Variants in FGL1 observed in about 807,000 individuals in gnomAD.
The protein encoded by FGL1 is fibrinogen like 1.
In FGL1, 59 loss-of-function variants were observed where a neutral mutation model predicts 43.7. That is an observed-to-expected ratio of 1.35 (90% CI 1.10 to 1.68). The LOEUF is 1.68. Among genes scored for constraint, FGL1 ranks in the 40% most tolerant of loss-of-function variants. FGL1 has a pLI of 0.00. For synonymous variants in FGL1, 192 were observed against 126.5 expected, an observed-to-expected ratio of 1.52 and a Z score of -3.48; for missense variants, 596 against 373.0, an observed-to-expected ratio of 1.60 and a Z score of -4.92.
intron 7 of FGL1, among the ~76,000 whole-genome samples, chr8:17,867,234 C>G (rs77424039): frequency 3.3e-5 from 5 of 151,890 alleles, no homozygotes. Flanking sequence ...GTCTGATAAC[C>G]GAAACAGCTA....
intron 2 of FGL1, among the ~76,000 whole-genome samples, chr8:17,884,698 A>G (rs1293869776): frequency 2.0e-5 from 3 of 152,178 alleles, no homozygotes; most frequent in Non-Finnish European, 2.9e-5. Context: ...TGCACTATGC[A>G]ATTTTAAAAT....
chr8:17,884,094 TC>T (rs553540343), intron 2 of FGL1, among the ~76,000 whole-genome samples: 9,785 of 137,910 alleles, frequency 0.071, 904 homozygotes, highest in African/African-American at 0.18. Context: ...CCTCCCTCCC[TC>T]CCTTCCTTCT....
At chr8:17,877,638 G>A (rs190268738) in intron 3 of FGL1, among the ~76,000 whole-genome samples, 2 of 151,916 alleles carry the variant, frequency 1.3e-5, no homozygotes, top group African/African-American at 4.8e-5. Flanking sequence ...ATAAAGGAAG[G>A]TGGGTACATA....
rs542239758 is a variant in FGL1, at chr8:17,870,042, A to G, written c.503-1038T>C. 2.6e-3 allele frequency among the ~76,000 whole-genome samples: 402 copies of G among 152,234 alleles called. 1 individual carries two copies. The highest frequency in any genetic ancestry group is 9.4e-3 in the African/African-American group (389 of 41,554). ...GGAGAATGGCGTGAACCCAGAAGGC[A>G]GAGCTTGCAGTGAGCCGAGATTGCT... On this transcript the variant is annotated intron_variant, in intron 5 of 7. Transcript: ENST00000427924.
chr8:17,866,255 G>C (rs1323840570), intron 7 of FGL1, among the ~76,000 whole-genome samples: 6 of 152,168 alleles, frequency 3.9e-5, no homozygotes, highest in African/African-American at 1.4e-4. Context: ...GGATGATTGG[G>C]TCTTCCTTGG....
intron 3 of FGL1, among the ~76,000 whole-genome samples, chr8:17,878,796 T>C (rs1007727792): frequency 5.3e-5 from 8 of 152,092 alleles, no homozygotes; most frequent in African/African-American, 1.7e-4. Flanking sequence ...AAAAGATTTA[T>C]ATTTCTACAG....
rs1205635633 is a variant in FGL1 at position 17,882,046 on chromosome 8, C to G, written c.197G>C (p.Gly66Ala). 2 of 1,614,006 alleles carry G rather than the reference C, an allele frequency of 1.2e-6. No individual in the cohort carries two copies. Among genetic ancestry groups the G allele is most frequent in the Admixed American group, 3.3e-5 (2 of 60,004 alleles). The change falls in exon 3 of 8, where the codon GGA (glycine) becomes GCA (alanine). Residue 66 changes from glycine to alanine, a missense_variant. By Grantham distance (60) the Gly-to-Ala change is moderately conservative. Transcript: ENST00000427924. ...QENEVQFLDK[G>A]DENTVIDLGS... ...AAGATCAATGACAGTATTCTCATCT[C>G]CTTTATCAAGGAACTGGACTTCATT...
At chr8:17,891,619 T>C (rs907774408) in intron 1 of FGL1, 1 of 932,214 alleles carries the variant, frequency 1.1e-6, no homozygotes, top group African/African-American at 1.8e-5. Flanking sequence ...GGGGCACAGC[T>C]GAACCTAGCA....
At chr8:17,886,579 G>A (rs571989971) in intron 1 of FGL1, among the ~76,000 whole-genome samples, 23 of 152,104 alleles carry the variant, frequency 1.5e-4, no homozygotes, top group African/African-American at 4.8e-4. Context: ...TCAACATGGC[G>A]AAACCCTGTC....
At chr8:17,864,977 T>A (rs1020682781) in intron 7 of FGL1, among the ~76,000 whole-genome samples, 4 of 151,950 alleles carry the variant, frequency 2.6e-5, no homozygotes, top group African/African-American at 9.7e-5. Context: ...ATAGAGACAG[T>A]GTCTCACTGT....
intron 1 of FGL1, among the ~76,000 whole-genome samples, chr8:17,886,569 T>A (rs2053631157): frequency 6.6e-6 from 1 of 151,726 alleles, no homozygotes; most frequent in African/African-American, 2.4e-5. Flanking sequence ...ACCAGCCTGG[T>A]CAACATGGCG....
chr8:17,866,573 C>G (rs1259027724), intron 7 of FGL1, among the ~76,000 whole-genome samples: 2 of 152,194 alleles, frequency 1.3e-5, no homozygotes, highest in African/African-American at 4.8e-5. Context: ...TTATCAACCC[C>G]TTTGATTCCA....
intron 7 of FGL1, 31 bp downstream of exon 7, chr8:17,868,517 C>G: frequency 6.4e-7 from 1 of 1,560,418 alleles, no homozygotes; most frequent in Non-Finnish European, 8.7e-7. Flanking sequence ...ATCATCAACT[C>G]CATTACAACT....
At chr8:17,887,340 C>T (rs201528467) in intron 1 of FGL1, among the ~76,000 whole-genome samples, 1 of 152,204 alleles carries the variant, frequency 6.6e-6, no homozygotes. Context: ...CCTTCATGCA[C>T]CTGGGAGAGG....
At position 17,864,526 on chromosome 8, in the gene FGL1, A is replaced by T; in HGVS notation, c.*66T>A. 4.0e-6 allele frequency: 6 copies of T among 1,509,822 alleles called. No homozygotes were observed. Among genetic ancestry groups the T allele is most frequent in the Non-Finnish European group, 5.4e-6 (6 of 1,118,026 alleles). 93.5% of individuals were successfully genotyped at this position (1,509,822 alleles called of 1,614,324 possible). A position where few individuals can be genotyped will look rare whatever the true frequency, so the allele number is the denominator to read the frequency against. On this transcript the variant is annotated 3_prime_UTR_variant, in exon 8 of 8. Coordinates refer to ENST00000427924, the MANE Select transcript of FGL1 (RefSeq NM_004467.4). ...CATGATTGCGCATGGATATGTTCAG[A>T]ATGAGTATTTTTCAAATCACTTTAA...
Position 17,874,467 on chromosome 8 carries a change from T to G in FGL1, c.299A>C (p.Lys100Thr). ...GYKLSGFYKI[K>T]PLQSPAEFSV... ...AAATTCTGCTGGGCTCTGGAGAGGT[T>G]TGATTTTGTAAAATCCACTGAGCTT... The change falls in exon 4 of 8, where the codon AAA becomes ACA. Residue 100 changes from lysine (K) to threonine (T), a missense_variant. Coordinates refer to ENST00000427924, the MANE Select transcript of FGL1 (RefSeq NM_004467.4). 2 of 1,614,116 alleles carry G rather than the reference T, an allele frequency of 1.2e-6. No homozygotes were observed. Among genetic ancestry groups the G allele is most frequent in the Non-Finnish European group, 1.7e-6 (2 of 1,179,980 alleles).
Position 17,864,712 on chromosome 8 carries a change from GC to G in FGL1, c.818del (p.Gly273AlafsTer23). 1 of 1,612,332 alleles carries G rather than the reference GC, an allele frequency of 6.2e-7. No individual in the cohort carries two copies. Among genetic ancestry groups the G allele is most frequent in the Non-Finnish European group, 8.5e-7 (1 of 1,179,552 alleles). ...SANLNGVYYS[G>X]PYTAKTDNGI... ...CATTGTCTGTTTTAGCCGTGTAGGG[GC>G]CGCTGTAGTATACACCATTCAGGTT... On this transcript the variant is annotated frameshift_variant, in exon 8 of 8. Coordinates refer to ENST00000427924, the MANE Select transcript of FGL1 (RefSeq NM_004467.4). LOFTEE classifies it high-confidence loss of function.
At chr8:17,878,320 C>A (rs1450644280) in intron 3 of FGL1, among the ~76,000 whole-genome samples, 1 of 152,146 alleles carries the variant, frequency 6.6e-6, no homozygotes, top group Non-Finnish European at 1.5e-5. Flanking sequence ...TATTCTCATT[C>A]TTCAGATGGG....
chr8:17,878,531 G>T (rs1015056611), intron 3 of FGL1, among the ~76,000 whole-genome samples: 8 of 152,116 alleles, frequency 5.3e-5, no homozygotes, highest in African/African-American at 7.2e-5. Context: ...AACGGCGGTG[G>T]TGACGCCAGA....
Sources: allele counts gnomAD v4.1 joint callset (sites outside exome capture counted in the v4.1 genomes callset), GRCh38; gene constraint gnomAD v4.1.1; transcripts MANE v1.5; gene names NCBI Gene and HGNC (gene_info 2026-07-23, HGNC 2026-07-21).